Variants in TBC1D8 observed in about 807,000 individuals in gnomAD.
TBC1D8 encodes the protein TBC1 domain family member 8, also known as BUB2-like protein 1.
Under a neutral mutation model 118.8 loss-of-function variants are expected in TBC1D8, and 65 were observed. The observed-to-expected ratio is 0.55, with a 90% CI of 0.45 to 0.67. The LOEUF is 0.67. Among genes scored for constraint, TBC1D8 ranks in the 30% least tolerant of loss-of-function variants. TBC1D8 has a pLI of 0.00. For missense variants in TBC1D8, 1,376 were observed against 1,471.2 expected, an observed-to-expected ratio of 0.94 and a Z score of 1.06; for synonymous variants, 566 against 595.8, an observed-to-expected ratio of 0.95 and a Z score of 0.73.
At chr2:101,048,739 TTAA>T (rs891470221) in intron 5 of TBC1D8, among the ~76,000 whole-genome samples, 2 of 150,342 alleles carry the variant, frequency 1.3e-5, no homozygotes, top group African/African-American at 5.0e-5. Flanking sequence ...ATAAGTCTTT[TTAA>T]AAAAAAAAAA....
At chr2:101,058,477 G>C (rs1434705248) in intron 3 of TBC1D8, among the ~76,000 whole-genome samples, 2 of 152,158 alleles carry the variant, frequency 1.3e-5, no homozygotes, top group Non-Finnish European at 2.9e-5. Flanking sequence ...TATTTAATGA[G>C]AGAGTTAAAT....
chr2:101,074,285 C>T (rs1182765741), intron 2 of TBC1D8, among the ~76,000 whole-genome samples: 2 of 152,126 alleles, frequency 1.3e-5, no homozygotes, highest in African/African-American at 4.8e-5. Flanking sequence ...TTAAGTTCAT[C>T]GTCTTACATG....
chr2:101,039,418 G>T (rs1681239748), intron 6 of TBC1D8, among the ~76,000 whole-genome samples: 2 of 152,182 alleles, frequency 1.3e-5, no homozygotes, highest in African/African-American at 4.8e-5. Flanking sequence ...AGGAGTTTGA[G>T]ACCAGCCTGG....
chr2:101,046,523 G>C (rs924072665), intron 5 of TBC1D8, among the ~76,000 whole-genome samples: 5 of 152,216 alleles, frequency 3.3e-5, no homozygotes, highest in Admixed American at 3.3e-4. Flanking sequence ...GGTGGGGCCT[G>C]TCAGGCTGCG....
chr2:101,090,392 C>T (rs751837813), intron 1 of TBC1D8, 28 bp from the exon 2 acceptor site: 1 of 1,612,700 alleles, frequency 6.2e-7, no homozygotes, highest in Non-Finnish European at 8.5e-7. Context: ...AGAAAGTGCA[C>T]CTGTGAGCAT....
intron 5 of TBC1D8, 92 bp from the exon 6 acceptor site, chr2:101,040,477 AT>A: frequency 1.5e-6 from 2 of 1,337,296 alleles, no homozygotes; most frequent in Non-Finnish European, 1.0e-6. Context: ...TTTTTGTTTC[AT>A]TTTATTTTTG....
At chr2:101,077,265 G>A (rs1385084343) in intron 2 of TBC1D8, among the ~76,000 whole-genome samples, 1 of 112,522 alleles carries the variant, frequency 8.9e-6, no homozygotes. Context: ...CCTCGTGATC[G>A]ACCCACCTCG....
chr2:101,141,164 C>A (rs965862992), intron 1 of TBC1D8, among the ~76,000 whole-genome samples: 2 of 152,066 alleles, frequency 1.3e-5, no homozygotes, highest in African/African-American at 4.8e-5. Flanking sequence ...ACTCACACCC[C>A]AGTTATGCAA....
At chr2:101,027,922 G>T (rs1680433211) in intron 14 of TBC1D8, 126 bp downstream of exon 14, 1 of 829,642 alleles carries the variant, frequency 1.2e-6, no homozygotes, top group Non-Finnish European at 2.0e-6. Flanking sequence ...CCCTTAAGTT[G>T]TTAATGTAAT....
intron 2 of TBC1D8, among the ~76,000 whole-genome samples, chr2:101,066,969 A>G (rs1010177174): frequency 7.7e-6 from 1 of 130,586 alleles, no homozygotes; most frequent in Admixed American, 7.8e-5. Context: ...AAAAAAAAAA[A>G]TCAAAGTTAT....
At chr2:101,104,373 T>C (rs1157772886) in intron 1 of TBC1D8, among the ~76,000 whole-genome samples, 1 of 152,182 alleles carries the variant, frequency 6.6e-6, no homozygotes, top group Non-Finnish European at 1.5e-5. Context: ...CTAAAGTTGA[T>C]ATAAAAATGT....
At chr2:101,055,036 G>T (rs190225542) in intron 3 of TBC1D8, among the ~76,000 whole-genome samples, 1 of 151,928 alleles carries the variant, frequency 6.6e-6, no homozygotes, top group Non-Finnish European at 1.5e-5. Context: ...AAAAGGACTG[G>T]CTCAGGCCTG....
intron 1 of TBC1D8, among the ~76,000 whole-genome samples, chr2:101,117,121 G>A (rs1028432830): frequency 1.3e-5 from 2 of 152,094 alleles, no homozygotes; most frequent in Admixed American, 6.6e-5. Context: ...CCCAAAGCAT[G>A]CCAGCCAACC....
chr2:101,032,253 A>G lies in TBC1D8; in HGVS notation c.1936+15T>C, dbSNP rs200418083. ...CTTCCCCAGATACACAGGAGGAGGAAGGGGGTCTGTTTACCGATCACTCGG... is the reference window on the plus strand; with the variant it reads ...CTTCCCCAGATACACAGGAGGAGGAGGGGGGTCTGTTTACCGATCACTCGG... On this transcript the variant is annotated intron_variant, in intron 11 of 19. Coordinates refer to ENST00000409318, the MANE Select transcript of TBC1D8 (RefSeq NM_001330348.2). 775 of 1,609,828 alleles carry G rather than the reference A, an allele frequency of 4.8e-4. No homozygotes were observed. Among genetic ancestry groups the G allele is most frequent in the Non-Finnish European group, 5.4e-4 (637 of 1,176,602 alleles).
chr2:101,035,234 C>A (rs1022281877), intron 9 of TBC1D8, among the ~76,000 whole-genome samples: 1 of 152,152 alleles, frequency 6.6e-6, no homozygotes, highest in Non-Finnish European at 1.5e-5. Context: ...CCTGGCCTCC[C>A]ACAGCACCCT....
Position 101,032,394 on chromosome 2 carries a change from G to A in TBC1D8, c.1819-9C>T, listed in dbSNP as rs754203315. 19 of 1,609,602 alleles carry A rather than the reference G, an allele frequency of 1.2e-5. No homozygotes were observed. Among genetic ancestry groups the A allele is most frequent in the Non-Finnish European group, 1.5e-5 (18 of 1,176,320 alleles). ...GTCAGGATGTTCATGGACTGCTCGG[G>A]GGTCAAGGAGGGCAGTTACTGACTG... On this transcript the variant is annotated splice_polypyrimidine_tract_variant and intron_variant, in intron 10 of 19. Coordinates refer to ENST00000409318, the MANE Select transcript of TBC1D8 (RefSeq NM_001330348.2).
chr2:101,068,283 C>T (rs1683125813), intron 2 of TBC1D8: 2 of 179,524 alleles, frequency 1.1e-5, no homozygotes, highest in Non-Finnish European at 2.3e-5. Flanking sequence ...TGACTATGAC[C>T]TGCGGCAGCA....
At chr2:101,085,512 T>C (rs1227551632) in intron 2 of TBC1D8, among the ~76,000 whole-genome samples, 1 of 152,164 alleles carries the variant, frequency 6.6e-6, no homozygotes, top group Non-Finnish European at 1.5e-5. Context: ...CCTGTTCCCA[T>C]AACACGAGTT....
intron 1 of TBC1D8, among the ~76,000 whole-genome samples, chr2:101,102,472 ATCTCT>A (rs1558703863): frequency 1.3e-5 from 2 of 151,302 alleles, no homozygotes; most frequent in Non-Finnish European, 2.9e-5. Context: ...AAAAAAAAAA[ATCTCT>A]TCAAGTATGA....
Sources: allele counts gnomAD v4.1 joint callset (sites outside exome capture counted in the v4.1 genomes callset), GRCh38; gene constraint gnomAD v4.1.1; transcripts MANE v1.5; gene names NCBI Gene and HGNC (gene_info 2026-07-23, HGNC 2026-07-21).